The following EXOC2 variants were observed in gnomAD, a reference collection of about 807,000 sequenced individuals.
EXOC2 encodes the protein SEC5-like 1.
Under a neutral mutation model 131.8 loss-of-function variants are expected in EXOC2, and 70 were observed. The ratio of observed to expected loss-of-function variants is 0.53; its 90% confidence interval spans 0.44 to 0.65. EXOC2 has a LOEUF of 0.65. Among genes scored for constraint, EXOC2 ranks in the 30% least tolerant of loss-of-function variants. EXOC2 has a pLI of 0.00. For synonymous variants in EXOC2, 411 were observed against 398.4 expected, an observed-to-expected ratio of 1.03 and a Z score of -0.38; for missense variants, 923 against 1,108.6, an observed-to-expected ratio of 0.83 and a Z score of 2.38.
intron 1 of EXOC2, among the ~76,000 whole-genome samples, chr6:682,533 A>G (rs989071619): frequency 1.3e-5 from 2 of 152,060 alleles, no homozygotes; most frequent in South Asian, 2.1e-4. Context: ...ATTTCCACAC[A>G]TGATTACTTA....
intron 1 of EXOC2, among the ~76,000 whole-genome samples, chr6:653,196 C>T (rs1424544995): frequency 6.6e-6 from 1 of 152,180 alleles, no homozygotes; most frequent in African/African-American, 2.4e-5. Flanking sequence ...AATTCATAAT[C>T]CTACAACGGC....
At position 485,591 on chromosome 6, in the gene EXOC2, ACT is replaced by A. The variant is rs1277547659; in HGVS notation, c.*1078_*1079del. 5 of 152,196 alleles carry A rather than the reference ACT, an allele frequency of 3.3e-5. No individual in the cohort carries two copies. The highest frequency in any genetic ancestry group is 6.5e-5 in the Admixed American group (1 of 15,282). The allele number at this position is 152,196 out of a possible 1,614,324, so 9.4% of individuals were successfully genotyped here. A position where few individuals can be genotyped will look rare whatever the true frequency, so the allele number is the denominator to read the frequency against. On this transcript the variant is annotated 3_prime_UTR_variant, in exon 28 of 28. Coordinates refer to ENST00000230449, the MANE Select transcript of EXOC2 (RefSeq NM_018303.6). ...TATGAGGGAGTTGGGTGGGCCGCTG[ACT>A]CTGAGAGAAGTCCCGGTGACCTGAA... is the stretch of plus-strand genomic sequence containing the variant.
intron 17 of EXOC2, among the ~76,000 whole-genome samples, chr6:557,478 C>T (rs1306931557): frequency 4.6e-5 from 7 of 151,732 alleles, no homozygotes; most frequent in African/African-American, 1.5e-4. Flanking sequence ...ATTAGCCAGG[C>T]GTGGTGGCAC....
chr6:688,690 T>C (rs1487378066), intron 1 of EXOC2, among the ~76,000 whole-genome samples: 5 of 152,224 alleles, frequency 3.3e-5, no homozygotes, highest in African/African-American at 1.2e-4. Flanking sequence ...TTTCTCCTTC[T>C]GTCCTTTCTG....
At chr6:679,692 A>C (rs1764312828) in intron 1 of EXOC2, among the ~76,000 whole-genome samples, 1 of 152,238 alleles carries the variant, frequency 6.6e-6, no homozygotes, top group Admixed American at 6.5e-5. Context: ...AAAAAACGGA[A>C]ACATCCACCA....
intron 11 of EXOC2, 110 bp downstream of exon 11, chr6:592,359 A>G (rs1759587098): frequency 1.1e-6 from 1 of 925,444 alleles, no homozygotes; most frequent in Non-Finnish European, 1.7e-6. Context: ...AGACAATAAT[A>G]AGAGATACCA....
chr6:555,001 A>C (rs1362472372), intron 20 of EXOC2, among the ~76,000 whole-genome samples: 1 of 152,214 alleles, frequency 6.6e-6, no homozygotes, highest in Admixed American at 6.5e-5. Context: ...TAATAAGCTA[A>C]TCATGTCTTC....
At chr6:609,444 A>G (rs1760602016) in intron 7 of EXOC2, among the ~76,000 whole-genome samples, 1 of 152,222 alleles carries the variant, frequency 6.6e-6, no homozygotes, top group Non-Finnish European at 1.5e-5. Context: ...CACTAACATC[A>G]TAGTAAGGAT....
At chr6:676,129 A>T (rs1244832589) in intron 1 of EXOC2, among the ~76,000 whole-genome samples, 44 of 41,654 alleles carry the variant, frequency 1.1e-3, no homozygotes, top group East Asian at 3.9e-3. Flanking sequence ...GTTCCTCTGG[A>T]GACTCTGAGG....
At chr6:625,492 T>C (rs1452507742) in intron 4 of EXOC2, among the ~76,000 whole-genome samples, 3 of 151,966 alleles carry the variant, frequency 2.0e-5, no homozygotes, top group Non-Finnish European at 2.9e-5. Context: ...CTCTGTTGTA[T>C]TACGTATTAT....
chr6:618,478 G>A (rs183227858), intron 5 of EXOC2, among the ~76,000 whole-genome samples: 79 of 152,194 alleles, frequency 5.2e-4, no homozygotes, highest in African/African-American at 1.5e-3. Context: ...AACTTTAAAC[G>A]TATTCTTGAT....
chr6:609,618 T>C (rs1760611904), intron 7 of EXOC2, among the ~76,000 whole-genome samples: 1 of 152,188 alleles, frequency 6.6e-6, no homozygotes, highest in Non-Finnish European at 1.5e-5. Context: ...TTAGACACCT[T>C]CTTAAATAGC....
intron 10 of EXOC2, among the ~76,000 whole-genome samples, chr6:596,834 A>T (rs978836007): frequency 6.6e-6 from 1 of 152,250 alleles, no homozygotes; most frequent in Non-Finnish European, 1.5e-5. Flanking sequence ...TACTCAAAAA[A>T]TCCTAGCAGA....
intron 1 of EXOC2, among the ~76,000 whole-genome samples, chr6:672,236 C>A (rs1001165733): frequency 3.3e-5 from 5 of 152,186 alleles, no homozygotes; most frequent in South Asian, 4.1e-4. Context: ...CAATGGCACT[C>A]TTCTCTTCTG....
At chr6:646,163 G>C (rs1210614798) in intron 1 of EXOC2, among the ~76,000 whole-genome samples, 1 of 152,106 alleles carries the variant, frequency 6.6e-6, no homozygotes, top group African/African-American at 2.4e-5. Context: ...TTCAACTTTG[G>C]ATTAGACAGT....
At chr6:589,601 T>C (rs1759419851) in intron 11 of EXOC2, among the ~76,000 whole-genome samples, 2 of 152,348 alleles carry the variant, frequency 1.3e-5, no homozygotes, top group Non-Finnish European at 1.5e-5. Flanking sequence ...TGTGATTTTT[T>C]AGATGGTGTG....
At chr6:592,084 C>T (rs1759571058) in intron 11 of EXOC2, among the ~76,000 whole-genome samples, 1 of 152,104 alleles carries the variant, frequency 6.6e-6, no homozygotes, top group Admixed American at 6.5e-5. Flanking sequence ...TTTCCTTCCT[C>T]TAGCGGTAAC....
intron 24 of EXOC2, 60 bp from the exon 25 acceptor site, chr6:497,549 G>A: frequency 4.5e-6 from 7 of 1,545,882 alleles, no homozygotes; most frequent in Middle Eastern, 3.4e-4. Flanking sequence ...ATTTGTTAAA[G>A]ACAAAGTTAA....
intron 10 of EXOC2, among the ~76,000 whole-genome samples, chr6:596,063 G>A (rs1759801007): frequency 6.6e-6 from 1 of 152,008 alleles, no homozygotes; most frequent in Non-Finnish European, 1.5e-5. Context: ...CTGTACAATG[G>A]GCACCGCACA....
Sources: allele counts gnomAD v4.1 joint callset (sites outside exome capture counted in the v4.1 genomes callset), GRCh38; gene constraint gnomAD v4.1.1; transcripts MANE v1.5; gene names NCBI Gene and HGNC (gene_info 2026-07-23, HGNC 2026-07-21).